SENP2: variants seen among roughly 807,000 people sequenced by gnomAD.
SENP2 encodes the protein SUMO specific peptidase 2.
A neutral mutation model predicts 86.3 loss-of-function variants in SENP2; 16 were observed. That is an observed-to-expected ratio of 0.19 (90% confidence interval 0.13 to 0.28). The LOEUF is 0.28. Among genes scored for constraint, SENP2 ranks in the 10% least tolerant of loss-of-function variants. The pLI is 1.00. For synonymous variants in SENP2, 222 were observed against 238.7 expected (o/e 0.93, Z 0.64); for missense variants, 552 against 703.0 (o/e 0.79, Z 2.43).
intron 7 of SENP2, among the ~76,000 whole-genome samples, chr3:185,610,546 G>T (rs1362260815): frequency 6.6e-6 from 1 of 152,184 alleles, no homozygotes; most frequent in Non-Finnish European, 1.5e-5. Flanking sequence ...TTTTGGTTTA[G>T]TCAGAATGTC....
chr3:185,597,437 C>T (rs1722210404), intron 2 of SENP2, among the ~76,000 whole-genome samples: 1 of 152,058 alleles, frequency 6.6e-6, no homozygotes, highest in African/African-American at 2.4e-5. Context: ...ACTGCAACCT[C>T]CGCCTCCCAG....
chr3:185,625,592 G>A (rs1343367759), intron 15 of SENP2, among the ~76,000 whole-genome samples: 3 of 152,186 alleles, frequency 2.0e-5, no homozygotes, highest in Non-Finnish European at 4.4e-5. Context: ...AGTGGGGTTA[G>A]AATCCACCAC....
intron 2 of SENP2, among the ~76,000 whole-genome samples, chr3:185,590,445 G>A (rs1231310199): frequency 6.6e-6 from 1 of 152,000 alleles, no homozygotes; most frequent in African/African-American, 2.4e-5. Flanking sequence ...CTACTCGGGA[G>A]GCTGAGGCAG....
chr3:185,594,944 G>C (rs531565070), intron 2 of SENP2, among the ~76,000 whole-genome samples: 1 of 152,162 alleles, frequency 6.6e-6, no homozygotes, highest in African/African-American at 2.4e-5. Flanking sequence ...GGCTGGTCTT[G>C]AACTCCTGAC....
intron 2 of SENP2, among the ~76,000 whole-genome samples, chr3:185,592,831 G>A (rs1054176601): frequency 6.6e-6 from 1 of 152,086 alleles, no homozygotes; most frequent in African/African-American, 2.4e-5. Flanking sequence ...TGGCCAGGCT[G>A]GTCTCAAGCT....
intron 12 of SENP2, among the ~76,000 whole-genome samples, chr3:185,618,561 A>G (rs1285593298): frequency 2.0e-5 from 3 of 152,188 alleles, no homozygotes; most frequent in African/African-American, 7.2e-5. Flanking sequence ...ATACAGGAAA[A>G]GTAAAAAATA....
chr3:185,611,803 T>C (rs1722710260), intron 8 of SENP2, 58 bp downstream of exon 8: 3 of 1,178,438 alleles, frequency 2.5e-6, no homozygotes, highest in Non-Finnish European at 3.7e-6. Flanking sequence ...TGCTACAGTG[T>C]TCATATGAGG....
intron 11 of SENP2, among the ~76,000 whole-genome samples, chr3:185,615,374 G>A (rs936099535): frequency 8.5e-5 from 13 of 152,054 alleles, no homozygotes; most frequent in African/African-American, 1.9e-4. Context: ...ACAGAGTTTC[G>A]CTCTTGTTGC....
chr3:185,591,035 G>A (rs111307985), intron 2 of SENP2, among the ~76,000 whole-genome samples: 12,301 of 145,536 alleles, frequency 0.085, 793 homozygotes, highest in South Asian at 0.34. Context: ...CTCCCGAGTA[G>A]CTGGGATTAC....
chr3:185,628,512 CT>C, intron 16 of SENP2, among the ~76,000 whole-genome samples: 1 of 151,220 alleles, frequency 6.6e-6, no homozygotes, highest in Non-Finnish European at 1.5e-5. Flanking sequence ...ATGTGAACTT[CT>C]TTTTTTGTTT....
Position 185,586,611 on chromosome 3 carries a change from G to A in SENP2, c.101+97G>A. 8.6e-7 allele frequency: 1 copy of A among 1,165,838 alleles called. No homozygotes were observed. Among genetic ancestry groups the A allele is most frequent in the Non-Finnish European group, 1.2e-6 (1 of 802,882 alleles). 72.2% of individuals were successfully genotyped at this position (1,165,838 alleles called of 1,614,324 possible). On this transcript the variant is annotated intron_variant, in intron 1 of 16. Coordinates refer to ENST00000296257, the MANE Select transcript of SENP2 (RefSeq NM_021627.3). This position sits in a 1 kb window ranked among gnomAD's most constrained non-coding sequence, Gnocchi z 4.3. ...AGCTTTGATTCAGCCAGGCTCACCC[G>A]AAACAGGTCGCCGGGATCCTAGTGA...
chr3:185,608,441 G>A (rs931927009), intron 6 of SENP2, among the ~76,000 whole-genome samples: 2 of 152,214 alleles, frequency 1.3e-5, no homozygotes, highest in African/African-American at 2.4e-5. Context: ...GAATCACTAT[G>A]TGTCACTTAC....
At chr3:185,619,558 A>C (rs1196256712) in intron 13 of SENP2, 56 bp downstream of exon 13, 1 of 1,436,480 alleles carries the variant, frequency 7.0e-7, no homozygotes, top group African/African-American at 1.4e-5. Flanking sequence ...CCATTTTTTA[A>C]AAATAATGCT....
intron 1 of SENP2, 48 bp from the exon 2 acceptor site, chr3:185,590,066 T>G: frequency 9.8e-7 from 1 of 1,024,924 alleles, no homozygotes; most frequent in Non-Finnish European, 1.4e-6. Context: ...CAGAAATGAA[T>G]GTGTGTGTAA....
intron 16 of SENP2, among the ~76,000 whole-genome samples, chr3:185,628,797 C>A (rs1443089340): frequency 6.6e-6 from 1 of 152,176 alleles, no homozygotes; most frequent in Non-Finnish European, 1.5e-5. Flanking sequence ...TGAGCCACCG[C>A]GCCTGGCCAA....
Position 185,598,868 on chromosome 3 carries a change from C to G in SENP2, c.292-90C>G, listed in dbSNP as rs1031612338. 4.2e-6 allele frequency: 4 copies of G among 950,220 alleles called. No homozygotes were observed. The African/African-American group carries it at 6.6e-5, about 16-fold the overall frequency. 58.9% of individuals were successfully genotyped at this position (950,220 alleles called of 1,614,324 possible). On this transcript the variant is annotated intron_variant, in intron 3 of 16. Coordinates refer to ENST00000296257, the MANE Select transcript of SENP2 (RefSeq NM_021627.3). ...TTATTGATGGTATCTCTTCTGTGAG[C>G]TACCTAAGAAAAAGTTATCTTTTCA... is the stretch of plus-strand genomic sequence containing the variant.
chr3:185,587,570 A>ATTTTTTTTTTTTTTTTTTTTTTTT lies in SENP2; in HGVS notation c.101+1070_101+1071insTTTTTTTTTTTTTTTTTTTTTTTT, dbSNP rs398052522. The stretch of plus-strand genomic sequence containing the variant: ...CTTCAACTTTAGTGATCAAGTGTTA[A>ATTTTTTTTTTTTTTTTTTTTTTTT]TTTTTTTTTTTTTTGAGAAGGAGTC... On this transcript the variant is annotated intron_variant, in intron 1 of 16. Coordinates refer to ENST00000296257, the MANE Select transcript of SENP2 (RefSeq NM_021627.3). 1.2e-3 allele frequency among the ~76,000 whole-genome samples: 148 copies of ATTTTTTTTTTTTTTTTTTTTTTTT among 118,780 alleles called. 15 individuals carry two copies. The highest frequency in any genetic ancestry group is 6.7e-3 in the East Asian group (26 of 3,904). The allele number at this position is 118,780 out of a possible 152,430, so 77.9% of individuals were successfully genotyped here. A position where few individuals can be genotyped will look rare whatever the true frequency, so the allele number is the denominator to read the frequency against.
chr3:185,606,902 A>T (rs1345704717), intron 6 of SENP2: 1 of 367,360 alleles, frequency 2.7e-6, no homozygotes. Flanking sequence ...TTTCAGAAAT[A>T]AAAATTAAAA....
At position 185,617,296 on chromosome 3, in the gene SENP2, T is replaced by G. The variant is rs561821503; in HGVS notation, c.1111-184T>G. 2.6e-5 allele frequency among the ~76,000 whole-genome samples: 4 copies of G among 152,304 alleles called. No homozygotes were observed. In the South Asian group the frequency reaches 8.3e-4, roughly 32 times the overall value. ...ACTTGGGCAATATAATGAGGCCCCA[T>G]CTCTATCACTAAAAATAAGAAAAAA... On this transcript the variant is annotated intron_variant, in intron 11 of 16. Transcript: ENST00000296257.
Sources: allele counts gnomAD v4.1 joint callset (sites outside exome capture counted in the v4.1 genomes callset), GRCh38; gene constraint gnomAD v4.1.1; non-coding constraint Gnocchi (gnomAD v3.1); transcripts MANE v1.5; gene names NCBI Gene and HGNC (gene_info 2026-07-23, HGNC 2026-07-21).